Variants in ADGRD1 observed in about 807,000 individuals in gnomAD.
ADGRD1 encodes the protein adhesion G protein-coupled receptor D1.
ADGRD1 carries 77 observed loss-of-function variants against 113.4 expected under a neutral mutation model. The observed-to-expected ratio is 0.68, with a 90% CI of 0.57 to 0.82. The LOEUF (loss-of-function observed/expected upper bound fraction) is 0.82. Among genes scored for constraint, ADGRD1 ranks in the 40% least tolerant of loss-of-function variants. The pLI, the probability that ADGRD1 is intolerant of heterozygous loss-of-function variation, is 0.00. For synonymous variants in ADGRD1, 474 were observed against 475.0 expected, an observed-to-expected ratio of 1.00 and a Z score of 0.03; for missense variants, 1,036 against 1,139.1, an observed-to-expected ratio of 0.91 and a Z score of 1.30.
chr12:131,061,682 T>C (rs920723822), intron 13 of ADGRD1, among the ~76,000 whole-genome samples: 1 of 152,204 alleles, frequency 6.6e-6, no homozygotes. Flanking sequence ...GTGCTATGTA[T>C]GTATATAGTT....
At position 131,106,013 on chromosome 12, in the gene ADGRD1, A is replaced by G. The variant is rs560143700; in HGVS notation, c.1887+148A>G. ...GGGCTGTGGTTTTCTCGGGGGAAGC[A>G]GAGATCGTGACGTGCATGAGCTGGT... On this transcript the variant is annotated intron_variant, in intron 17 of 24. Coordinates refer to ENST00000261654, the MANE Select transcript of ADGRD1 (RefSeq NM_198827.5). The G allele has an allele frequency of 2.1e-4, 136 of 656,036 alleles. 1 individual carries two copies. In the East Asian group the frequency reaches 3.6e-3, roughly 18 times the overall value. The allele number at this position is 656,036 out of a possible 1,614,324, so 40.6% of individuals were successfully genotyped here. A position where few individuals can be genotyped will look rare whatever the true frequency, so the allele number is the denominator to read the frequency against.
chr12:131,002,788 C>T, intron 9 of ADGRD1: 7 of 1,243,000 alleles, frequency 5.6e-6, no homozygotes, highest in Non-Finnish European at 7.2e-6. Context: ...GTGTCCCCAT[C>T]CCAGAGTGGA....
chr12:130,968,512 T>A (rs1346776204), intron 3 of ADGRD1: 1 of 159,634 alleles, frequency 6.3e-6, no homozygotes, highest in Non-Finnish European at 1.4e-5. Context: ...GATGTGCGGC[T>A]TTGTCGTTTG....
intron 3 of ADGRD1, chr12:130,970,834 C>T (rs1036054010): frequency 1.3e-5 from 2 of 152,334 alleles, no homozygotes; most frequent in Non-Finnish European, 2.9e-5. Context: ...TCTCCTGGGA[C>T]TATGCAAAAT....
At chr12:131,059,339 C>T (rs1199616360) in intron 13 of ADGRD1, among the ~76,000 whole-genome samples, 6 of 151,996 alleles carry the variant, frequency 3.9e-5, no homozygotes, top group Non-Finnish European at 7.4e-5. Flanking sequence ...ACACCATGCC[C>T]AGCTAATTTT....
At chr12:130,972,625 A>T (rs768169296) in intron 4 of ADGRD1, among the ~76,000 whole-genome samples, 13 of 152,160 alleles carry the variant, frequency 8.5e-5, no homozygotes, top group Non-Finnish European at 1.3e-4. Context: ...TTACAAAGTA[A>T]AAAACAACCA....
intron 6 of ADGRD1, chr12:130,989,994 T>C (rs1874177587): frequency 6.6e-6 from 1 of 152,264 alleles, no homozygotes; most frequent in Non-Finnish European, 1.5e-5. Context: ...ACCTGGCAGA[T>C]TCTCATTTTC....
chr12:131,093,343 C>G (rs1218746465), intron 15 of ADGRD1, among the ~76,000 whole-genome samples: 1 of 152,136 alleles, frequency 6.6e-6, no homozygotes, highest in Admixed American at 6.5e-5. Context: ...ATTTCTAAAT[C>G]TAGCTATGGG....
chr12:131,131,283 G>A (rs1044208222), intron 20 of ADGRD1, among the ~76,000 whole-genome samples: 6 of 152,240 alleles, frequency 3.9e-5, no homozygotes, highest in South Asian at 2.1e-4. Flanking sequence ...GGCCTGGGCC[G>A]GGGCGGGAGA....
At chr12:131,118,509 A>T in intron 19 of ADGRD1, 58 bp downstream of exon 19, 1 of 1,338,000 alleles carries the variant, frequency 7.5e-7, no homozygotes. Context: ...GCTTGTGGCG[A>T]GAGCCCCGTG....
chr12:131,015,852 A>C (rs1418779050), intron 13 of ADGRD1, among the ~76,000 whole-genome samples: 1 of 152,184 alleles, frequency 6.6e-6, no homozygotes, highest in Non-Finnish European at 1.5e-5. Flanking sequence ...CACAGTTTAC[A>C]GACTTATTGT....
At chr12:130,992,469 C>T in intron 8 of ADGRD1, 77 bp downstream of exon 8, 2 of 1,270,006 alleles carry the variant, frequency 1.6e-6, no homozygotes, top group Non-Finnish European at 2.2e-6. Context: ...TCTGTTTGAC[C>T]TAGATCGAGT....
At chr12:131,137,078 A>G (rs1951105843) in intron 23 of ADGRD1, 64 bp downstream of exon 23, 1 of 1,316,990 alleles carries the variant, frequency 7.6e-7, no homozygotes, top group South Asian at 1.2e-5. Flanking sequence ...GAAAGGTCAC[A>G]GGAGCAGGAA....
At chr12:131,015,318 A>C (rs1488530396) in intron 13 of ADGRD1, among the ~76,000 whole-genome samples, 1 of 152,124 alleles carries the variant, frequency 6.6e-6, no homozygotes, top group African/African-American at 2.4e-5. Context: ...GGAGATGGAG[A>C]GGGGACTGGA....
At chr12:131,046,913 C>T (rs548062585) in intron 13 of ADGRD1, among the ~76,000 whole-genome samples, 4 of 140,340 alleles carry the variant, frequency 2.9e-5, no homozygotes, top group South Asian at 2.4e-4. Flanking sequence ...CCTCCCTGGC[C>T]AGTGTCCTCC....
chr12:131,039,526 C>T (rs1334804117), intron 13 of ADGRD1, among the ~76,000 whole-genome samples: 1 of 152,266 alleles, frequency 6.6e-6, no homozygotes, highest in Non-Finnish European at 1.5e-5. Context: ...CTGTTCCCTG[C>T]AGGGAGCTCT....
chr12:130,990,261 G>A, intron 6 of ADGRD1: 1 of 152,362 alleles, frequency 6.6e-6, no homozygotes, highest in Non-Finnish European at 1.5e-5. Flanking sequence ...CAAGGGCTCA[G>A]TCACTCCTGC....
chr12:131,091,794 G>A (rs1164242945), intron 15 of ADGRD1: 2 of 152,260 alleles, frequency 1.3e-5, no homozygotes, highest in African/African-American at 4.8e-5. Context: ...TGACCCAGGT[G>A]TGTATTTGTG....
Position 130,982,465 on chromosome 12 carries a change from T to C in ADGRD1, c.490+402T>C, listed in dbSNP as rs183769128. Among the ~76,000 whole-genome samples the C allele has an allele frequency of 5.3e-5, 8 of 152,350 alleles. No individual in the cohort carries two copies. The East Asian group carries it at 1.3e-3, about 26-fold the overall frequency. On this transcript the variant is annotated intron_variant, in intron 5 of 24. Transcript: ENST00000261654. ...ATTTCTCCTTCTTTTCCTTCTCATT[T>C]TCCCTCTTCCTCCTCATCTGCCTCC...
Sources: allele counts gnomAD v4.1 joint callset (sites outside exome capture counted in the v4.1 genomes callset), GRCh38; gene constraint gnomAD v4.1.1; transcripts MANE v1.5; gene names NCBI Gene and HGNC (gene_info 2026-07-23, HGNC 2026-07-21).